Variants in KALRN observed in about 807,000 individuals in gnomAD.
KALRN encodes the protein kalirin.
In KALRN, 70 loss-of-function variants were observed where a neutral mutation model predicts 353.7. That is an observed-to-expected ratio of 0.20 (90% CI 0.16 to 0.24). The LOEUF (loss-of-function observed/expected upper bound fraction) is 0.24. KALRN is among the 10% of genes least tolerant of loss of function. The probability of loss-of-function intolerance (pLI) is 1.00; values close to 1 mark genes in which losing one functional copy is unlikely to be tolerated. For missense variants in KALRN, 2,791 were observed against 3,756.7 expected (o/e 0.74, Z 6.72); for synonymous variants, 1,391 against 1,434.8 (o/e 0.97, Z 0.69).
At chr3:124,514,632 T>C (rs2066336614) in intron 33 of KALRN, among the ~76,000 whole-genome samples, 1 of 152,112 alleles carries the variant, frequency 6.6e-6, no homozygotes, top group Admixed American at 6.5e-5. Flanking sequence ...GGTTGAATAA[T>C]TTACCCAGGG....
intron 6 of KALRN, among the ~76,000 whole-genome samples, chr3:124,322,328 A>G (rs999278529): frequency 2.6e-5 from 4 of 152,356 alleles, no homozygotes; most frequent in Admixed American, 6.5e-5. Flanking sequence ...CTCACAGATG[A>G]GGAAACTGAG....
intron 56 of KALRN, among the ~76,000 whole-genome samples, chr3:124,701,270 G>T (rs2062314913): frequency 6.6e-6 from 1 of 152,096 alleles, no homozygotes; most frequent in Non-Finnish European, 1.5e-5. Context: ...TACTGCCAAA[G>T]AATCTACTCA....
intron 59 of KALRN, 91 bp downstream of exon 59, chr3:124,717,476 G>A (rs945223751): frequency 9.1e-5 from 73 of 806,300 alleles, no homozygotes; most frequent in Admixed American, 1.1e-4. Context: ...CACAAGGTCA[G>A]GAGATCGAGA....
At chr3:124,499,688 G>C (rs2064295466) in intron 33 of KALRN, among the ~76,000 whole-genome samples, 1 of 152,144 alleles carries the variant, frequency 6.6e-6, no homozygotes, top group South Asian at 2.1e-4. Flanking sequence ...TCTAAGGTTT[G>C]GATATTTGCT....
intron 34 of KALRN, among the ~76,000 whole-genome samples, chr3:124,618,235 G>A (rs1025013494): frequency 7.9e-5 from 12 of 151,372 alleles, no homozygotes; most frequent in South Asian, 6.3e-4. Flanking sequence ...TCAGCCTCCC[G>A]AGTAGCTGGG....
intron 51 of KALRN, 110 bp from the exon 52 acceptor site, chr3:124,693,694 G>T: frequency 1.5e-6 from 1 of 647,398 alleles, no homozygotes; most frequent in South Asian, 2.3e-5. Flanking sequence ...TTGGGCTCCA[G>T]GCCTCATCTC....
intron 25 of KALRN, among the ~76,000 whole-genome samples, chr3:124,474,085 G>A (rs587979): frequency 0.16 from 23,751 of 152,066 alleles, 2,029 homozygotes; most frequent in South Asian, 0.21. Context: ...GATAACAGTT[G>A]TAATTCAATT....
intron 2 of KALRN, among the ~76,000 whole-genome samples, chr3:124,231,357 T>A (rs971058105): frequency 5.3e-5 from 8 of 152,218 alleles, no homozygotes; most frequent in Admixed American, 3.9e-4. Flanking sequence ...TCATGTGGGG[T>A]CCATTTCATC....
At chr3:124,346,315 G>C (rs942135271) in intron 9 of KALRN, among the ~76,000 whole-genome samples, 1 of 152,048 alleles carries the variant, frequency 6.6e-6, no homozygotes, top group Non-Finnish European at 1.5e-5. Context: ...TGCCCCTCAG[G>C]AAAACTTATT....
At chr3:124,476,601 C>G (rs2061445168) in intron 26 of KALRN, among the ~76,000 whole-genome samples, 2 of 152,252 alleles carry the variant, frequency 1.3e-5, no homozygotes, top group Non-Finnish European at 2.9e-5. Flanking sequence ...CCCAGTAACG[C>G]TAACCCAGAG....
At chr3:124,660,873 T>C in intron 43 of KALRN, 50 bp from the exon 44 acceptor site, 1 of 1,287,922 alleles carries the variant, frequency 7.8e-7, no homozygotes, top group Non-Finnish European at 1.1e-6. Context: ...CCAGCTATTT[T>C]ACTAATTTTA....
intron 10 of KALRN, among the ~76,000 whole-genome samples, chr3:124,373,851 C>T (rs2086210538): frequency 6.6e-6 from 1 of 152,176 alleles, no homozygotes; most frequent in African/African-American, 2.4e-5. Flanking sequence ...TACAGCATAT[C>T]TTTTTGCAGG....
chr3:124,611,499 C>G (rs983964316), intron 34 of KALRN, among the ~76,000 whole-genome samples: 1 of 152,132 alleles, frequency 6.6e-6, no homozygotes, highest in African/African-American at 2.4e-5. Context: ...CTGTTTCTCC[C>G]CATATCTGTT....
intron 33 of KALRN, among the ~76,000 whole-genome samples, chr3:124,517,709 C>T (rs559935586): frequency 5.9e-5 from 9 of 152,274 alleles, no homozygotes; most frequent in Non-Finnish European, 1.0e-4. Flanking sequence ...ACTCCCTCAG[C>T]CAGCCTTGCA....
At chr3:124,574,221 C>T (rs2073858090) in intron 34 of KALRN, among the ~76,000 whole-genome samples, 1 of 152,194 alleles carries the variant, frequency 6.6e-6, no homozygotes, top group Admixed American at 6.5e-5. Flanking sequence ...TCAGGGCAAG[C>T]CACATCCTTC....
chr3:124,050,161 GT>G (rs1264746105), intron 1 of KALRN, among the ~76,000 whole-genome samples: 1 of 152,176 alleles, frequency 6.6e-6, no homozygotes, highest in Non-Finnish European at 1.5e-5. Context: ...GGCAGGGCTG[GT>G]CTGATGACCT....
intron 37 of KALRN, among the ~76,000 whole-genome samples, chr3:124,648,529 C>T (rs2083031508): frequency 6.6e-6 from 1 of 152,220 alleles, no homozygotes; most frequent in Non-Finnish European, 1.5e-5. Context: ...CACTGAGCAG[C>T]AATTCACTAG....
chr3:124,279,348 G>A (rs1162469330), intron 5 of KALRN, among the ~76,000 whole-genome samples: 1 of 152,228 alleles, frequency 6.6e-6, no homozygotes, highest in African/African-American at 2.4e-5. Flanking sequence ...AGTATGGCTG[G>A]AGCCTTGAAG....
chr3:124,120,450 T>C (rs904040745), intron 1 of KALRN, among the ~76,000 whole-genome samples: 1 of 152,170 alleles, frequency 6.6e-6, no homozygotes, highest in African/African-American at 2.4e-5. Flanking sequence ...TTAGCGAGCA[T>C]GTTGAGGGGA....
Sources: allele counts gnomAD v4.1 joint callset (sites outside exome capture counted in the v4.1 genomes callset), GRCh38; gene constraint gnomAD v4.1.1; transcripts MANE v1.5; gene names NCBI Gene and HGNC (gene_info 2026-07-23, HGNC 2026-07-21).